The following DPP10 variants were observed in gnomAD, a reference collection of about 807,000 sequenced individuals.
DPP10 encodes the protein dipeptidyl peptidase like 10, also known as inactive dipeptidyl peptidase 10.
In DPP10, 33 loss-of-function variants were observed where a neutral mutation model predicts 120.9. The observed-to-expected ratio is 0.27, with a 90% CI of 0.21 to 0.37. The LOEUF (loss-of-function observed/expected upper bound fraction) is 0.37. Among genes scored for constraint, DPP10 ranks in the 10% least tolerant of loss-of-function variants. The pLI is 1.00. For missense variants in DPP10, 816 were observed against 942.8 expected (o/e 0.87, Z 1.76); for synonymous variants, 337 against 326.1 (o/e 1.03, Z -0.36).
chr2:115,701,883 C>G (rs1055444041), intron 7 of DPP10, among the ~76,000 whole-genome samples: 2 of 151,928 alleles, frequency 1.3e-5, no homozygotes, highest in Admixed American at 1.3e-4. Flanking sequence ...GAAGTTTGAT[C>G]TTAATATGAA....
intron 5 of DPP10, among the ~76,000 whole-genome samples, chr2:115,617,289 T>TATATATATATATATAC (rs67359999): frequency 0.01 from 1,422 of 136,372 alleles, 14 homozygotes; most frequent in East Asian, 0.039. Context: ...TATATATATA[T>TATATATATATATATAC]ACACACATAG....
At chr2:115,125,258 T>G (rs993832337) in intron 1 of DPP10, among the ~76,000 whole-genome samples, 7 of 152,222 alleles carry the variant, frequency 4.6e-5, no homozygotes, top group African/African-American at 1.7e-4. Flanking sequence ...CTATCTCATC[T>G]TGTAAAAATC....
intron 1 of DPP10, among the ~76,000 whole-genome samples, chr2:115,291,177 A>AT (rs1050295363): frequency 6.6e-6 from 1 of 151,620 alleles, no homozygotes; most frequent in Admixed American, 6.6e-5. Flanking sequence ...CCAATTTTTT[A>AT]TTTTTTGTAG....
rs565887825 is a variant in DPP10 at position 115,278,127 on chromosome 2, A to G, written c.61-31112A>G. Among the ~76,000 whole-genome samples, 4 of 152,304 alleles carry G rather than the reference A, an allele frequency of 2.6e-5. No individual in the cohort carries two copies. In the South Asian group the frequency reaches 8.3e-4, roughly 32 times the overall value. ...TTCGGGCATGTCAGTTTTTCTTTCT[A>G]AGGCTCATTTCCCTGTGTGTCCATG... On this transcript the variant is annotated intron_variant, in intron 1 of 25. Transcript: ENST00000410059.
intron 1 of DPP10, among the ~76,000 whole-genome samples, chr2:114,486,105 A>T (rs1681495425): frequency 6.6e-6 from 1 of 152,154 alleles, no homozygotes. Flanking sequence ...TAATACATTG[A>T]TTATTTCCTA....
intron 1 of DPP10, among the ~76,000 whole-genome samples, chr2:115,093,889 C>T (rs780175659): frequency 6.6e-6 from 1 of 152,094 alleles, no homozygotes; most frequent in Non-Finnish European, 1.5e-5. Flanking sequence ...ACTTTAATCC[C>T]CCTCTTTTTA....
intron 1 of DPP10, among the ~76,000 whole-genome samples, chr2:114,518,073 T>G (rs1287451291): frequency 7.3e-6 from 1 of 137,790 alleles, no homozygotes; most frequent in African/African-American, 2.7e-5. Context: ...CTATTCATTT[T>G]TTTTTTTTTT....
At chr2:115,829,129 G>T (rs575816278) in intron 21 of DPP10, among the ~76,000 whole-genome samples, 1 of 152,064 alleles carries the variant, frequency 6.6e-6, no homozygotes, top group Admixed American at 6.5e-5. Context: ...TTATTTAGAT[G>T]TCCTGTTTCT....
At chr2:114,982,679 C>A (rs13419267) in intron 1 of DPP10, among the ~76,000 whole-genome samples, 27,401 of 151,722 alleles carry the variant, frequency 0.18, 2,603 homozygotes, top group East Asian at 0.25. Flanking sequence ...TGGCTCCCTG[C>A]AGCCTCTACG....
chr2:115,221,462 T>C (rs1476806627), intron 1 of DPP10, among the ~76,000 whole-genome samples: 1 of 152,162 alleles, frequency 6.6e-6, no homozygotes, highest in Non-Finnish European at 1.5e-5. Flanking sequence ...GGATGGTTTC[T>C]GCACCATTAC....
At chr2:115,171,358 C>CAAAAAAAAAAAAAA (rs752738778) in intron 1 of DPP10, among the ~76,000 whole-genome samples, 2 of 114,382 alleles carry the variant, frequency 1.7e-5, no homozygotes, top group Non-Finnish European at 1.9e-5. Context: ...GAGACTCCAT[C>CAAAAAAAAAAAAAA]AAAAAAAAAA....
At chr2:114,931,522 G>A (rs1696067372) in intron 1 of DPP10, among the ~76,000 whole-genome samples, 1 of 152,024 alleles carries the variant, frequency 6.6e-6, no homozygotes, top group South Asian at 2.1e-4. Flanking sequence ...TCATTCCTGG[G>A]GTGTCCGCCC....
chr2:114,989,595 A>G (rs765220422), intron 1 of DPP10, among the ~76,000 whole-genome samples: 19 of 152,212 alleles, frequency 1.2e-4, no homozygotes, highest in Non-Finnish European at 1.8e-4. Context: ...CTCATGTGAG[A>G]TCATTCTAAC....
rs538173052 is a variant in DPP10, at chr2:115,162,054, C to T, written c.61-147185C>T. Reference sequence around the variant, plus strand: ...GTGAGAGTCGGCAGCCGCGGCCAGGCCCTCCCGGGAGGGGTGGCTCCAGTG... The same window carrying T: ...GTGAGAGTCGGCAGCCGCGGCCAGGTCCTCCCGGGAGGGGTGGCTCCAGTG... On this transcript the variant is annotated intron_variant, in intron 1 of 25. Coordinates refer to ENST00000410059, the MANE Select transcript of DPP10 (RefSeq NM_020868.6). 2.1e-6 allele frequency: 3 copies of T among 1,431,776 alleles called. No homozygotes were observed. In the South Asian group the frequency reaches 4.5e-5, roughly 21 times the overall value. The allele number at this position is 1,431,776 out of a possible 1,614,324, so 88.7% of individuals were successfully genotyped here. A position where few individuals can be genotyped will look rare whatever the true frequency, so the allele number is the denominator to read the frequency against.
chr2:115,828,525 A>G (rs1688605681), intron 21 of DPP10, among the ~76,000 whole-genome samples: 1 of 152,066 alleles, frequency 6.6e-6, no homozygotes, highest in South Asian at 2.1e-4. Flanking sequence ...CCCCAAACTC[A>G]CTAATATGCT....
chr2:115,798,730 A>G (rs142005293), intron 19 of DPP10, among the ~76,000 whole-genome samples: 846 of 152,272 alleles, frequency 5.6e-3, no homozygotes, highest in Admixed American at 8.6e-3. Context: ...CCACAACCCA[A>G]ATAATACAAT....
chr2:115,800,911 A>G (rs1443058211), intron 19 of DPP10, among the ~76,000 whole-genome samples: 53 of 151,500 alleles, frequency 3.5e-4, no homozygotes, highest in African/African-American at 9.2e-4. Flanking sequence ...TTGACTTGGC[A>G]ATGCGGGCTC....
chr2:114,868,992 C>T (rs1690460619), intron 1 of DPP10, among the ~76,000 whole-genome samples: 1 of 151,976 alleles, frequency 6.6e-6, no homozygotes, highest in African/African-American at 2.4e-5. Context: ...AAAGGCAGTT[C>T]ATGAAAAGAT....
chr2:115,685,558 T>G (rs2090943731), intron 5 of DPP10, among the ~76,000 whole-genome samples: 3 of 152,018 alleles, frequency 2.0e-5, no homozygotes, highest in African/African-American at 7.2e-5. Context: ...TGCACATAAT[T>G]AGTATTCAAT....
Sources: allele counts gnomAD v4.1 joint callset (sites outside exome capture counted in the v4.1 genomes callset), GRCh38; gene constraint gnomAD v4.1.1; transcripts MANE v1.5; gene names NCBI Gene and HGNC (gene_info 2026-07-23, HGNC 2026-07-21).